SERINC5: variants seen among roughly 807,000 people sequenced by gnomAD.
SERINC5 encodes the protein chromosome 5 open reading frame 12.
Under a neutral mutation model 63.1 loss-of-function variants are expected in SERINC5, and 41 were observed. That is an observed-to-expected ratio of 0.65 (90% CI 0.51 to 0.84). The LOEUF is 0.84. SERINC5 is among the 40% of genes least tolerant of loss of function. SERINC5 has a pLI of 0.00. For synonymous variants in SERINC5, 222 were observed against 215.2 expected (o/e 1.03, Z -0.28); for missense variants, 523 against 573.0 (o/e 0.91, Z 0.89).
chr5:80,162,023 A>G lies in SERINC5; in HGVS notation c.860-3061T>C, dbSNP rs140009513. 1.9e-3 allele frequency among the ~76,000 whole-genome samples: 296 copies of G among 152,280 alleles called. 2 individuals are homozygous for G. The highest frequency in any genetic ancestry group is 6.9e-3 in the African/African-American group (288 of 41,556). On this transcript the variant is annotated intron_variant, in intron 7 of 11. Coordinates refer to ENST00000507668, the MANE Select transcript of SERINC5 (RefSeq NM_001174072.3). ...TTTGTCAAAGACCAGATGGCTATAAATATGTGGCTTTACTTCTGGGTTCTC... is the reference window on the plus strand; with the variant it reads ...TTTGTCAAAGACCAGATGGCTATAAGTATGTGGCTTTACTTCTGGGTTCTC...
intron 11 of SERINC5, among the ~76,000 whole-genome samples, chr5:80,144,758 C>G (rs574656230): frequency 1.3e-5 from 2 of 152,164 alleles, no homozygotes; most frequent in Admixed American, 1.3e-4. Flanking sequence ...ATTTGACTTG[C>G]GTCATAGTCT....
chr5:80,125,415 A>T (rs1297376076), intron 11 of SERINC5, among the ~76,000 whole-genome samples: 1 of 152,198 alleles, frequency 6.6e-6, no homozygotes, highest in African/African-American at 2.4e-5. Context: ...TGATAGAAAT[A>T]GGGAAAGAGA....
In SERINC5 at chr5:80,172,753, C is replaced by T. The variant is rs189546244; in HGVS notation, c.551+2201G>A. Among the ~76,000 whole-genome samples the T allele has an allele frequency of 9.9e-4, 150 of 152,254 alleles. 1 individual carries two copies. The highest frequency in any genetic ancestry group is 3.5e-3 in the African/African-American group (146 of 41,556). On this transcript the variant is annotated intron_variant, in intron 5 of 11. Transcript: ENST00000507668. ...ATAATAATGGATGATGGGGAGACAG[C>T]ATGAATTATACAGAAAAAGGTAAAC...
Position 80,139,947 on chromosome 5 carries a change from G to C in SERINC5, c.*3716C>G, listed in dbSNP as rs1745399950. On this transcript the variant is annotated 3_prime_UTR_variant, in exon 12 of 12. Coordinates refer to ENST00000507668, the MANE Select transcript of SERINC5 (RefSeq NM_001174072.3). ...GCAATAAAGGGAGTGTAAAAGCCTAGGTAGCTTAAATACAGGCTCTGGAAT... is the reference window on the plus strand; with the variant it reads ...GCAATAAAGGGAGTGTAAAAGCCTACGTAGCTTAAATACAGGCTCTGGAAT... The C allele has an allele frequency of 1.0e-6, 1 of 985,216 alleles. No individual in the cohort carries two copies. The highest frequency in any genetic ancestry group is 4.7e-5 in the South Asian group (1 of 21,296). The allele number at this position is 985,216 out of a possible 1,614,324, so 61.0% of individuals were successfully genotyped here.
chr5:80,245,499 C>A (rs1054478552), intron 1 of SERINC5, among the ~76,000 whole-genome samples: 1 of 152,210 alleles, frequency 6.6e-6, no homozygotes, highest in African/African-American at 2.4e-5. Flanking sequence ...CAGGCACAGT[C>A]TCATAGGCTA....
intron 5 of SERINC5, among the ~76,000 whole-genome samples, chr5:80,171,067 G>A (rs1415581653): frequency 6.6e-6 from 1 of 151,976 alleles, no homozygotes; most frequent in Admixed American, 6.6e-5. Context: ...CTGGAGTGCT[G>A]TGGTGTGATC....
intron 2 of SERINC5, among the ~76,000 whole-genome samples, chr5:80,200,225 C>T (rs1749742727): frequency 6.6e-6 from 1 of 152,126 alleles, no homozygotes; most frequent in Admixed American, 6.5e-5. Flanking sequence ...CGCCTGTAAT[C>T]CCAGCACTTT....
intron 2 of SERINC5, among the ~76,000 whole-genome samples, chr5:80,182,390 G>A (rs1249424184): frequency 1.3e-5 from 2 of 151,804 alleles, no homozygotes; most frequent in Non-Finnish European, 2.9e-5. Flanking sequence ...TACATCTGTA[G>A]AGGAAATCTA....
At chr5:80,144,558 T>G (rs1466676172) in intron 11 of SERINC5, among the ~76,000 whole-genome samples, 2 of 152,196 alleles carry the variant, frequency 1.3e-5, no homozygotes, top group Non-Finnish European at 2.9e-5. Flanking sequence ...TCTTAAGCTT[T>G]CCAAGCCAAA....
intron 11 of SERINC5, among the ~76,000 whole-genome samples, chr5:80,126,392 A>T (rs971207483): frequency 6.6e-6 from 1 of 152,248 alleles, no homozygotes; most frequent in Non-Finnish European, 1.5e-5. Context: ...GGTATAAGTC[A>T]GAATTTCATG....
chr5:80,148,059 T>C (rs1287267548), intron 9 of SERINC5, among the ~76,000 whole-genome samples: 2 of 151,812 alleles, frequency 1.3e-5, no homozygotes, highest in Non-Finnish European at 2.9e-5. Flanking sequence ...TCTGAAATAG[T>C]AAAGTGAAGG....
intron 1 of SERINC5, among the ~76,000 whole-genome samples, chr5:80,229,049 T>G (rs866790575): frequency 0.072 from 2,333 of 32,334 alleles, 345 homozygotes; most frequent in African/African-American, 0.35. Context: ...TTTTTTTTTT[T>G]TGGGGATGGA....
intron 2 of SERINC5, chr5:80,198,612 T>A (rs892072138): frequency 4.1e-6 from 4 of 985,282 alleles, no homozygotes; most frequent in Non-Finnish European, 4.8e-6. Flanking sequence ...TCTCAGGCAC[T>A]TCCACGGCCA....
intron 1 of SERINC5, among the ~76,000 whole-genome samples, chr5:80,238,114 A>G (rs1315469265): frequency 5.3e-5 from 8 of 151,042 alleles, no homozygotes; most frequent in African/African-American, 1.5e-4. Flanking sequence ...AAAAAAAAAA[A>G]AAAAAAAAGA....
intron 1 of SERINC5, among the ~76,000 whole-genome samples, chr5:80,251,340 GT>G (rs1238093908): frequency 6.7e-6 from 1 of 149,898 alleles, no homozygotes; most frequent in Non-Finnish European, 1.5e-5. Flanking sequence ...ACATACATGG[GT>G]TTTCATTGAG....
intron 11 of SERINC5, among the ~76,000 whole-genome samples, chr5:80,113,895 T>C (rs1261480779): frequency 1.3e-5 from 2 of 151,964 alleles, no homozygotes; most frequent in Non-Finnish European, 2.9e-5. Flanking sequence ...TGCCATGCTG[T>C]GTGCCCCCCC....
At chr5:80,212,325 A>G (rs1490199915) in intron 1 of SERINC5, among the ~76,000 whole-genome samples, 1 of 152,206 alleles carries the variant, frequency 6.6e-6, no homozygotes, top group East Asian at 1.9e-4. Context: ...GAAGACATCC[A>G]TTAAAAACAT....
chr5:80,254,475 C>T (rs1032851746), intron 1 of SERINC5, among the ~76,000 whole-genome samples: 2 of 152,172 alleles, frequency 1.3e-5, no homozygotes, highest in Non-Finnish European at 2.9e-5. Context: ...AAATTAGGAA[C>T]TTGGGAATGG....
At chr5:80,126,920 T>C (rs753492820) in intron 11 of SERINC5, among the ~76,000 whole-genome samples, 2 of 152,276 alleles carry the variant, frequency 1.3e-5, no homozygotes, top group Non-Finnish European at 2.9e-5. Flanking sequence ...TTAAAAATTG[T>C]TAATTTGTCT....
Sources: gnomAD v4.1 joint callset for allele counts (sites outside exome capture counted in the v4.1 genomes callset) on GRCh38, gnomAD v4.1.1 for gene constraint, MANE v1.5 for transcripts, NCBI Gene and HGNC (gene_info 2026-07-23, HGNC 2026-07-21) for gene names.